The following C8orf34 variants were observed in gnomAD, a reference collection of about 807,000 sequenced individuals.
C8orf34 encodes the protein chromosome 8 open reading frame 34, also known as uncharacterized protein C8orf34.
In C8orf34, 65 loss-of-function variants were observed where a neutral mutation model predicts 68.3. That is an observed-to-expected ratio of 0.95 (90% CI 0.78 to 1.17). C8orf34 has a LOEUF of 1.17. Among genes scored for constraint, C8orf34 ranks in the 50% most tolerant of loss-of-function variants. The pLI is 0.00. For synonymous variants in C8orf34, 244 were observed against 241.2 expected (o/e 1.01, Z -0.11); for missense variants, 664 against 655.4 (o/e 1.01, Z -0.14).
At chr8:68,604,985 A>G (rs1340842491) in intron 7 of C8orf34, among the ~76,000 whole-genome samples, 1 of 152,182 alleles carries the variant, frequency 6.6e-6, no homozygotes, top group Admixed American at 6.6e-5. Flanking sequence ...TCCAAAATAT[A>G]TAAAGAACCC....
chr8:68,430,908 A>G (rs558821083), intron 1 of C8orf34, among the ~76,000 whole-genome samples: 75 of 152,278 alleles, frequency 4.9e-4, no homozygotes, highest in African/African-American at 1.8e-3. Flanking sequence ...AAATAGGAAG[A>G]CACATTGCTA....
chr8:68,681,639 A>G (rs927440206), intron 8 of C8orf34, among the ~76,000 whole-genome samples: 4 of 152,200 alleles, frequency 2.6e-5, no homozygotes, highest in Non-Finnish European at 5.9e-5. Context: ...CTACCAAGTG[A>G]TTCAGCAATT....
intron 7 of C8orf34, among the ~76,000 whole-genome samples, chr8:68,618,353 A>G (rs1040031477): frequency 6.6e-6 from 1 of 151,972 alleles, no homozygotes; most frequent in African/African-American, 2.4e-5. Flanking sequence ...AAGGTTGAAC[A>G]TCTTATTATT....
chr8:68,815,064 G>A (rs184796639), intron 12 of C8orf34, among the ~76,000 whole-genome samples: 62 of 152,256 alleles, frequency 4.1e-4, no homozygotes, highest in African/African-American at 1.4e-3. Context: ...TAGGGCTAGT[G>A]TTCCAAGAGA....
intron 1 of C8orf34, among the ~76,000 whole-genome samples, chr8:68,407,520 A>G (rs1809251724): frequency 6.6e-6 from 1 of 152,096 alleles, no homozygotes; most frequent in Non-Finnish European, 1.5e-5. Context: ...TTATTATATT[A>G]TTTTGTCTTT....
At chr8:68,800,077 G>A (rs1824287202) in intron 12 of C8orf34, among the ~76,000 whole-genome samples, 1 of 152,168 alleles carries the variant, frequency 6.6e-6, no homozygotes, top group Non-Finnish European at 1.5e-5. Flanking sequence ...ACTAAGTCAT[G>A]AGAAGAGCAG....
chr8:68,403,530 C>T (rs1809050665), intron 1 of C8orf34, among the ~76,000 whole-genome samples: 1 of 152,090 alleles, frequency 6.6e-6, no homozygotes, highest in African/African-American at 2.4e-5. Context: ...GCTATCCCTC[C>T]CCTAGCCCCC....
rs116263898 is a variant in C8orf34 at position 68,689,062 on chromosome 8, C to T, written c.1242-19932C>T. Among the ~76,000 whole-genome samples, 1,138 of 151,994 alleles carry T rather than the reference C, an allele frequency of 7.5e-3. 19 individuals carry two copies. Among genetic ancestry groups the T allele is most frequent in the African/African-American group, 0.026 (1,073 of 41,488 alleles). The stretch of plus-strand genomic sequence containing the variant: ...AATACACCATGAAATACTACTCAGC[C>T]GTAAAAAGGAATGGAATAACGTCTT... On this transcript the variant is annotated intron_variant, in intron 8 of 13. Transcript: ENST00000518698.
chr8:68,419,484 AC>A (rs2129623292), intron 1 of C8orf34, among the ~76,000 whole-genome samples: 1 of 151,806 alleles, frequency 6.6e-6, no homozygotes, highest in East Asian at 1.9e-4. Flanking sequence ...CTGGGTATAT[AC>A]CCAAAGGACT....
intron 10 of C8orf34, among the ~76,000 whole-genome samples, chr8:68,726,857 G>A (rs1162384466): frequency 2.3e-4 from 3 of 13,230 alleles, no homozygotes; most frequent in Non-Finnish European, 5.2e-4. Flanking sequence ...AACCTCCCCC[G>A]GGTCCCTCCC....
chr8:68,473,655 C>T lies in C8orf34; in HGVS notation c.736+4835C>T, dbSNP rs1242564714. ...ATTAAAAGGAAAACCTTACTGAGGG[C>T]TTCCTTACCCTCACTACCTGCCTAA... On this transcript the variant is annotated intron_variant, in intron 4 of 13. Coordinates refer to ENST00000518698, the MANE Select transcript of C8orf34 (RefSeq NM_052958.4). 6.6e-5 allele frequency among the ~76,000 whole-genome samples: 10 copies of T among 152,142 alleles called. No homozygotes were observed. The East Asian group carries it at 1.5e-3, about 23-fold the overall frequency.
chr8:68,807,274 G>A (rs1013548722), intron 12 of C8orf34, among the ~76,000 whole-genome samples: 3 of 152,134 alleles, frequency 2.0e-5, no homozygotes, highest in African/African-American at 7.2e-5. Flanking sequence ...TGAAGACTAT[G>A]TTTTAAAATC....
rs559698927 is a variant in C8orf34 at position 68,487,538 on chromosome 8, G to A, written c.737-485G>A. On this transcript the variant is annotated intron_variant, in intron 4 of 13. Coordinates refer to ENST00000518698, the MANE Select transcript of C8orf34 (RefSeq NM_052958.4). Reference sequence around the variant, plus strand: ...GGAGCTGTCAATCTGAGGGACTGTGGGAAAATTCCTTAAACTTTCTCATCT... The same window carrying A: ...GGAGCTGTCAATCTGAGGGACTGTGAGAAAATTCCTTAAACTTTCTCATCT... Among the ~76,000 whole-genome samples the A allele has an allele frequency of 4.9e-4, 75 of 152,218 alleles. 1 individual carries two copies. Among genetic ancestry groups the A allele is most frequent in the African/African-American group, 1.6e-3 (68 of 41,530 alleles).
At chr8:68,359,865 A>G (rs1001449100) in intron 1 of C8orf34, among the ~76,000 whole-genome samples, 3 of 152,206 alleles carry the variant, frequency 2.0e-5, no homozygotes, top group Non-Finnish European at 2.9e-5. Flanking sequence ...AATTATGTTG[A>G]GCCTCATTCA....
At position 68,767,545 on chromosome 8, in the gene C8orf34, A is replaced by G. The variant is rs112928226; in HGVS notation, c.1405-8854A>G. Among the ~76,000 whole-genome samples, 281 of 152,330 alleles carry G rather than the reference A, an allele frequency of 1.8e-3. 3 individuals carry two copies. Among genetic ancestry groups the G allele is most frequent in the African/African-American group, 6.6e-3 (274 of 41,570 alleles). On this transcript the variant is annotated intron_variant, in intron 10 of 13. Coordinates refer to ENST00000518698, the MANE Select transcript of C8orf34 (RefSeq NM_052958.4). ...AACATCATATTCTTGGTGCAATTCAACATGCTCCTTCAGTTCTCTATATTT... is the reference window on the plus strand; with the variant it reads ...AACATCATATTCTTGGTGCAATTCAGCATGCTCCTTCAGTTCTCTATATTT...
At chr8:68,773,380 G>T (rs374194256) in intron 10 of C8orf34, among the ~76,000 whole-genome samples, 3 of 152,028 alleles carry the variant, frequency 2.0e-5, no homozygotes, top group African/African-American at 7.2e-5. Context: ...TTTCCTCCAA[G>T]AATCTTTTTA....
At chr8:68,404,933 A>G (rs1809126111) in intron 1 of C8orf34, among the ~76,000 whole-genome samples, 1 of 152,194 alleles carries the variant, frequency 6.6e-6, no homozygotes, top group Non-Finnish European at 1.5e-5. Flanking sequence ...TGGGGATAGC[A>G]TTGAATCTAT....
intron 8 of C8orf34, among the ~76,000 whole-genome samples, chr8:68,654,694 C>T (rs1819463206): frequency 6.6e-6 from 1 of 152,008 alleles, no homozygotes; most frequent in Non-Finnish European, 1.5e-5. Context: ...TCCTATTCTT[C>T]CATGGGGATA....
At chr8:68,356,553 C>A (rs1215432431) in intron 1 of C8orf34, among the ~76,000 whole-genome samples, 1 of 152,030 alleles carries the variant, frequency 6.6e-6, no homozygotes, top group African/African-American at 2.4e-5. Flanking sequence ...GCAAGAAATT[C>A]ATATTTAAAT....
Sources: allele counts gnomAD v4.1 joint callset (sites outside exome capture counted in the v4.1 genomes callset), GRCh38; gene constraint gnomAD v4.1.1; transcripts MANE v1.5; gene names NCBI Gene and HGNC (gene_info 2026-07-23, HGNC 2026-07-21).